Variants in FABP12 observed in about 807,000 individuals in gnomAD.
FABP12 encodes fatty acid-binding protein 12.
In FABP12, 19 loss-of-function variants were observed where a neutral mutation model predicts 13.7. The ratio of observed to expected loss-of-function variants is 1.39; its 90% CI spans 0.97 to 2.04. FABP12 has a LOEUF of 2.04. Among genes scored for constraint, FABP12 ranks in the 30% most tolerant of loss-of-function variants. The pLI, the probability that FABP12 is intolerant of heterozygous loss-of-function variation, is 0.00. For synonymous variants in FABP12, 61 were observed against 57.0 expected (o/e 1.07, Z -0.32); for missense variants, 182 against 164.2 (o/e 1.11, Z -0.59).
At chr8:81,563,063 C>G (rs1176343745) in intron 1 of FABP12, among the ~76,000 whole-genome samples, 1 of 152,210 alleles carries the variant, frequency 6.6e-6, no homozygotes, top group African/African-American at 2.4e-5. Flanking sequence ...TCCCGCAGCT[C>G]CAGGCAGCTC....
chr8:81,536,006 G>A (rs548231133), upstream of FABP12, among the ~76,000 whole-genome samples: 7 of 152,106 alleles, frequency 4.6e-5, no homozygotes, highest in East Asian at 7.7e-4. Flanking sequence ...AACCCCTTTC[G>A]GGTCAAACAC....
chr8:81,585,439 T>C (rs1810226819), intron 1 of FABP12, among the ~76,000 whole-genome samples: 1 of 152,202 alleles, frequency 6.6e-6, no homozygotes, highest in East Asian at 1.9e-4. Context: ...TCTATTGGTA[T>C]GTGTCTGTTT....
At chr8:81,543,655 T>G (rs1809389046) in intron 1 of FABP12, among the ~76,000 whole-genome samples, 1 of 152,180 alleles carries the variant, frequency 6.6e-6, no homozygotes, top group Admixed American at 6.5e-5. Context: ...TGGAATGAAG[T>G]GCACTCAATG....
chr8:81,534,036 C>T (rs765629073), upstream of FABP12, among the ~76,000 whole-genome samples: 34 of 152,100 alleles, frequency 2.2e-4, no homozygotes, highest in Non-Finnish European at 5.9e-5. Context: ...GTCTCTGTTA[C>T]AGATGGCATG....
chr8:81,551,667 T>A (rs889463507), intron 1 of FABP12, among the ~76,000 whole-genome samples: 1 of 152,106 alleles, frequency 6.6e-6, no homozygotes, highest in Non-Finnish European at 1.5e-5. Flanking sequence ...AACAAAAATT[T>A]GCAGTTACAG....
At chr8:81,531,200 GC>G (rs779772382) in intron 2 of FABP12, 42 bp downstream of exon 2, 239 of 1,348,810 alleles carry the variant, frequency 1.8e-4, no homozygotes, top group Non-Finnish European at 2.4e-4. Flanking sequence ...CTATCAAAAT[GC>G]CCATTTTTAC....
intron 1 of FABP12, among the ~76,000 whole-genome samples, chr8:81,590,028 C>T (rs1231847536): frequency 6.6e-6 from 1 of 152,148 alleles, no homozygotes; most frequent in Non-Finnish European, 1.5e-5. Flanking sequence ...AACATAATCT[C>T]CATTTAAGCA....
chr8:81,574,144 T>G (rs57807709), intron 1 of FABP12, among the ~76,000 whole-genome samples: 7,010 of 152,292 alleles, frequency 0.046, 216 homozygotes, highest in East Asian at 0.16. Flanking sequence ...CCGATTTTGC[T>G]GACAGTTTTA....
At chr8:81,572,121 C>A (rs563269528) in intron 1 of FABP12, among the ~76,000 whole-genome samples, 4 of 151,238 alleles carry the variant, frequency 2.6e-5, no homozygotes, top group East Asian at 1.9e-4. Flanking sequence ...ACTCTTCCCC[C>A]CCAAGTCCCC....
At chr8:81,588,925 C>G (rs1863759) in intron 1 of FABP12, among the ~76,000 whole-genome samples, 144,868 of 152,266 alleles carry the variant, frequency 0.95, 68,962 homozygotes, top group East Asian at 1. Context: ...AAGTGAATCA[C>G]GGGAGCTTTA....
intron 1 of FABP12, among the ~76,000 whole-genome samples, chr8:81,531,894 G>A (rs1221386027): frequency 1.3e-5 from 2 of 151,888 alleles, no homozygotes; most frequent in Non-Finnish European, 2.9e-5. Context: ...ATGAAAAAGA[G>A]AATGGGACAG....
At chr8:81,565,240 G>T (rs894286632) in intron 1 of FABP12, among the ~76,000 whole-genome samples, 2 of 151,956 alleles carry the variant, frequency 1.3e-5, no homozygotes, top group Non-Finnish European at 2.9e-5. Flanking sequence ...ATAATAGCTG[G>T]AGAATTCAGT....
chr8:81,526,899 CT>C, intron 4 of FABP12, 120 bp downstream of exon 4: 2 of 598,912 alleles, frequency 3.3e-6, no homozygotes, highest in South Asian at 4.8e-5. Flanking sequence ...TAATTTTTTT[CT>C]CATTCTTTAA....
chr8:81,527,682 T>C (rs1311115571), intron 3 of FABP12, among the ~76,000 whole-genome samples: 2 of 152,146 alleles, frequency 1.3e-5, no homozygotes, highest in African/African-American at 4.8e-5. Flanking sequence ...CTTTTTATCT[T>C]TGACTGTGTA....
At chr8:81,576,177 A>G (rs932762591) in intron 1 of FABP12, among the ~76,000 whole-genome samples, 18 of 152,206 alleles carry the variant, frequency 1.2e-4, no homozygotes, top group Non-Finnish European at 2.2e-4. Context: ...TATGATTTGA[A>G]TGATATAACG....
chr8:81,588,190 A>G (rs1226270852), intron 1 of FABP12, among the ~76,000 whole-genome samples: 1 of 152,214 alleles, frequency 6.6e-6, no homozygotes, highest in Non-Finnish European at 1.5e-5. Context: ...ACCCAGGAAC[A>G]ATACTTTGCA....
chr8:81,582,280 G>A (rs1336251364), intron 1 of FABP12, among the ~76,000 whole-genome samples: 1 of 151,624 alleles, frequency 6.6e-6, no homozygotes, highest in African/African-American at 2.4e-5. Flanking sequence ...ACTCCATCAC[G>A]CCTGGCTAAT....
At chr8:81,554,903 CCAGGTGGGCCA>C (rs1809583796) in intron 1 of FABP12, among the ~76,000 whole-genome samples, 1 of 152,016 alleles carries the variant, frequency 6.6e-6, no homozygotes, top group Non-Finnish European at 1.5e-5. Flanking sequence ...CGTGTGTGGC[CCAGGTGGGCCA>C]CAGGTTGAAC....
intron 1 of FABP12, among the ~76,000 whole-genome samples, chr8:81,547,070 C>T (rs1177247997): frequency 6.6e-6 from 1 of 152,220 alleles, no homozygotes; most frequent in Non-Finnish European, 1.5e-5. Context: ...AGTTCCCACA[C>T]TTACAGCTAG....
Sources: gnomAD v4.1 joint callset for allele counts (sites outside exome capture counted in the v4.1 genomes callset) on GRCh38, gnomAD v4.1.1 for gene constraint, MANE v1.5 for transcripts, NCBI Gene and HGNC (gene_info 2026-07-23, HGNC 2026-07-21) for gene names.